The following HDAC9 variants were observed in gnomAD, a reference collection of about 807,000 sequenced individuals.
HDAC9 encodes MEF-2 interacting transcription repressor (MITR) protein.
A neutral mutation model predicts 139.4 loss-of-function variants in HDAC9; 41 were observed. The observed-to-expected ratio is 0.29, with a 90% CI of 0.23 to 0.38. HDAC9 has a LOEUF of 0.38. Among genes scored for constraint, HDAC9 ranks in the 10% least tolerant of loss-of-function variants. The probability of loss-of-function intolerance (pLI) is 1.00; values close to 1 mark genes in which losing one functional copy is unlikely to be tolerated. For synonymous variants in HDAC9, 517 were observed against 476.2 expected (o/e 1.09, Z -1.12); for missense variants, 1,147 against 1,297.0 (o/e 0.88, Z 1.78).
intron 2 of HDAC9, among the ~76,000 whole-genome samples, chr7:18,206,329 TATAA>T (rs1234421143): frequency 6.6e-6 from 1 of 152,228 alleles, no homozygotes; most frequent in Non-Finnish European, 1.5e-5. Context: ...ATATTAGTTG[TATAA>T]ACCTGACTAT....
At chr7:18,720,118 T>G (rs1785032797) in intron 12 of HDAC9, among the ~76,000 whole-genome samples, 1 of 152,164 alleles carries the variant, frequency 6.6e-6, no homozygotes. Flanking sequence ...TTTATATATG[T>G]GACCTTTGAT....
chr7:18,278,444 G>C (rs1449632419), intron 2 of HDAC9, among the ~76,000 whole-genome samples: 1 of 152,174 alleles, frequency 6.6e-6, no homozygotes, highest in East Asian at 1.9e-4. Context: ...AAATAGCTTT[G>C]CTGAGAGAGC....
At chr7:18,550,162 A>G (rs1021001827) in intron 2 of HDAC9, among the ~76,000 whole-genome samples, 1 of 152,142 alleles carries the variant, frequency 6.6e-6, no homozygotes, top group Admixed American at 6.5e-5. Flanking sequence ...TTGTTTTTTA[A>G]CAGATTAGAA....
intron 17 of HDAC9, among the ~76,000 whole-genome samples, chr7:18,814,373 T>C (rs902915083): frequency 6.6e-6 from 1 of 152,226 alleles, no homozygotes; most frequent in Non-Finnish European, 1.5e-5. Context: ...AATTTATGTT[T>C]GTTTTTATCT....
At chr7:18,432,929 C>A (rs1167910218) in intron 1 of HDAC9, among the ~76,000 whole-genome samples, 3 of 147,130 alleles carry the variant, frequency 2.0e-5, no homozygotes, top group Non-Finnish European at 4.5e-5. Context: ...CCAGCCTGGG[C>A]AACAGAATGA....
intron 12 of HDAC9, among the ~76,000 whole-genome samples, chr7:18,689,047 A>G (rs1049307039): frequency 2.6e-5 from 4 of 152,018 alleles, no homozygotes; most frequent in Admixed American, 6.6e-5. Flanking sequence ...ATAAATTAAA[A>G]CTACCAAATG....
chr7:18,994,496 C>G (rs955610557), intron 25 of HDAC9, among the ~76,000 whole-genome samples: 1 of 152,166 alleles, frequency 6.6e-6, no homozygotes, highest in African/African-American at 2.4e-5. Context: ...CCCAGACACT[C>G]TAGGACAGGC....
intron 21 of HDAC9, among the ~76,000 whole-genome samples, chr7:18,855,884 G>A (rs138016160): frequency 2.2e-4 from 33 of 152,090 alleles, no homozygotes; most frequent in East Asian, 7.7e-4. Context: ...TCTGTGCACC[G>A]TCATCTTCCT....
At chr7:18,133,135 C>T (rs892805362) in intron 1 of HDAC9, among the ~76,000 whole-genome samples, 1 of 152,104 alleles carries the variant, frequency 6.6e-6, no homozygotes, top group Non-Finnish European at 1.5e-5. Flanking sequence ...TAGCTTCTGT[C>T]ACAAATTGCA....
At chr7:18,204,770 C>T (rs1791377134) in intron 2 of HDAC9, among the ~76,000 whole-genome samples, 1 of 151,652 alleles carries the variant, frequency 6.6e-6, no homozygotes, top group Non-Finnish European at 1.5e-5. Flanking sequence ...TTGTTTATCC[C>T]CTGTATGTAA....
At chr7:18,397,250 CA>C (rs888132034) in intron 1 of HDAC9, among the ~76,000 whole-genome samples, 10 of 151,998 alleles carry the variant, frequency 6.6e-5, no homozygotes, top group African/African-American at 2.2e-4. Flanking sequence ...TTTTGTTTTT[CA>C]AAGAAAGGAA....
At chr7:18,922,104 G>T (rs866881539) in intron 22 of HDAC9, among the ~76,000 whole-genome samples, 3 of 150,768 alleles carry the variant, frequency 2.0e-5, no homozygotes, top group Non-Finnish European at 3.0e-5. Flanking sequence ...GGGAAGGATA[G>T]CATTAGGAGA....
intron 1 of HDAC9, among the ~76,000 whole-genome samples, chr7:18,417,476 T>C (rs1789190883): frequency 6.6e-6 from 1 of 152,156 alleles, no homozygotes; most frequent in African/African-American, 2.4e-5. Context: ...TGGAAACCAG[T>C]CATTGTGAGT....
chr7:18,583,215 C>G (rs1480351763), intron 2 of HDAC9, among the ~76,000 whole-genome samples: 1 of 152,000 alleles, frequency 6.6e-6, no homozygotes, highest in Non-Finnish European at 1.5e-5. Context: ...AAAGCAAAAA[C>G]AAACATCTGT....
chr7:18,521,475 A>G (rs1805012450), intron 2 of HDAC9, among the ~76,000 whole-genome samples: 1 of 152,180 alleles, frequency 6.6e-6, no homozygotes, highest in South Asian at 2.1e-4. Flanking sequence ...CCAGTCGTCC[A>G]TCTATTTGAT....
At chr7:18,374,333 A>G (rs1042289378) in intron 1 of HDAC9, among the ~76,000 whole-genome samples, 2 of 151,890 alleles carry the variant, frequency 1.3e-5, no homozygotes, top group Non-Finnish European at 2.9e-5. Flanking sequence ...TGCGTTGTTG[A>G]CTGGGATAGG....
intron 1 of HDAC9, among the ~76,000 whole-genome samples, chr7:18,391,566 T>G (rs1314050894): frequency 6.6e-6 from 1 of 152,232 alleles, no homozygotes; most frequent in Non-Finnish European, 1.5e-5. Flanking sequence ...CAAAACCTTT[T>G]GTTCACATAA....
intron 1 of HDAC9, among the ~76,000 whole-genome samples, chr7:18,131,877 G>A (rs1240809210): frequency 6.6e-6 from 1 of 152,172 alleles, no homozygotes; most frequent in Non-Finnish European, 1.5e-5. Context: ...TGGAATTATA[G>A]ATAATTGGGA....
intron 12 of HDAC9, among the ~76,000 whole-genome samples, chr7:18,697,236 G>A (rs941075724): frequency 2.0e-5 from 3 of 152,118 alleles, no homozygotes; most frequent in Admixed American, 1.3e-4. Context: ...TCATCATGAC[G>A]AGGCCCAGCC....
Sources: gnomAD v4.1 joint callset for allele counts (sites outside exome capture counted in the v4.1 genomes callset) on GRCh38, gnomAD v4.1.1 for gene constraint, MANE v1.5 for transcripts, NCBI Gene and HGNC (gene_info 2026-07-23, HGNC 2026-07-21) for gene names.